The following TTC7B variants were observed in gnomAD, a reference collection of about 807,000 sequenced individuals.
TTC7B encodes tetratricopeptide repeat domain 7B, also known as tetratricopeptide repeat protein 7B.
A neutral mutation model predicts 106.8 loss-of-function variants in TTC7B; 28 were observed. The observed-to-expected ratio is 0.26, with a 90% confidence interval of 0.19 to 0.36. TTC7B has a LOEUF of 0.36. Among genes scored for constraint, TTC7B ranks in the 10% least tolerant of loss-of-function variants. The pLI, the probability that TTC7B is intolerant of heterozygous loss-of-function variation, is 1.00. For synonymous variants in TTC7B, 405 were observed against 430.6 expected, an observed-to-expected ratio of 0.94 and a Z score of 0.74; for missense variants, 862 against 1,076.4, an observed-to-expected ratio of 0.80 and a Z score of 2.79.
At position 90,634,987 on chromosome 14, in the gene TTC7B, C is replaced by T. The variant is rs553065096; in HGVS notation, c.1751+9061G>A. Among the ~76,000 whole-genome samples the T allele has an allele frequency of 9.9e-5, 15 of 152,146 alleles. 1 individual carries two copies. The South Asian group carries it at 2.7e-3, about 27-fold the overall frequency. ...GCAGCCAGAGAGAAAAGACAGAGGA[C>T]GTTAAAATGAACTACAAGTAAACAA... is the stretch of plus-strand genomic sequence containing the variant. On this transcript the variant is annotated intron_variant, in intron 15 of 19. Transcript: ENST00000328459.
chr14:90,671,467 A>G lies in TTC7B; in HGVS notation c.1152+5056T>C, dbSNP rs1350370700. Among the ~76,000 whole-genome samples the G allele has an allele frequency of 2.0e-5, 3 of 152,336 alleles. No homozygotes were observed. In the East Asian group the frequency reaches 5.8e-4, roughly 29 times the overall value. ...AATATCCTGTCGAAATGGAGCCATT[A>G]ATAGTCAAATTCAAGAGACAAACCT... is the stretch of plus-strand genomic sequence containing the variant. On this transcript the variant is annotated intron_variant, in intron 9 of 19. Coordinates refer to ENST00000328459, the MANE Select transcript of TTC7B (RefSeq NM_001010854.2).
chr14:90,777,813 T>C (rs577836963), intron 3 of TTC7B, among the ~76,000 whole-genome samples: 40 of 152,350 alleles, frequency 2.6e-4, no homozygotes, highest in African/African-American at 8.9e-4. Context: ...GCAATTGCCC[T>C]GTTAGTACAA....
At chr14:90,786,141 G>C in intron 2 of TTC7B, 33 bp downstream of exon 2, 1 of 1,511,834 alleles carries the variant, frequency 6.6e-7, no homozygotes, top group Non-Finnish European at 8.8e-7. Context: ...CTGTCCAAAG[G>C]AAGTGTCGCC....
intron 17 of TTC7B, chr14:90,603,231 A>G: frequency 7.8e-7 from 1 of 1,281,812 alleles, no homozygotes; most frequent in Non-Finnish European, 1.0e-6. Flanking sequence ...CGGAAGGATT[A>G]ATAGATTGGT....
At chr14:90,633,869 T>G (rs1289603535) in intron 15 of TTC7B, among the ~76,000 whole-genome samples, 1 of 152,042 alleles carries the variant, frequency 6.6e-6, no homozygotes, top group Non-Finnish European at 1.5e-5. Flanking sequence ...TGTACTTTGT[T>G]AATTTTTTTT....
rs867586350 is a variant in TTC7B, at chr14:90,805,006, G to C, written c.121+11169C>G. ...AGGTCATGGGCATTCCGTCAGCCCC[G>C]CCAGCAAGCCAGGACTCACCCGGAG... is the stretch of plus-strand genomic sequence containing the variant. On this transcript the variant is annotated intron_variant, in intron 1 of 19. Transcript: ENST00000328459. This position sits in a 1 kb window ranked among gnomAD's most constrained non-coding sequence, Gnocchi z 4.0. Among the ~76,000 whole-genome samples, 2 of 152,230 alleles carry C rather than the reference G, an allele frequency of 1.3e-5. No individual in the cohort carries two copies. The highest frequency in any genetic ancestry group is 4.8e-5 in the African/African-American group (2 of 41,542).
intron 19 of TTC7B, among the ~76,000 whole-genome samples, chr14:90,561,037 G>A (rs755814688): frequency 6.6e-6 from 1 of 152,228 alleles, no homozygotes; most frequent in Non-Finnish European, 1.5e-5. Flanking sequence ...CTTCTAGTTT[G>A]TTCTGGGAGA....
chr14:90,688,615 C>G (rs1887340170), intron 7 of TTC7B, among the ~76,000 whole-genome samples: 1 of 100,004 alleles, frequency 1.0e-5, no homozygotes, highest in African/African-American at 4.3e-5. Flanking sequence ...GAGAGAGGCT[C>G]TGTCTCAAAA....
intron 19 of TTC7B, among the ~76,000 whole-genome samples, chr14:90,548,522 T>C (rs1185975513): frequency 2.6e-5 from 4 of 152,254 alleles, no homozygotes; most frequent in Non-Finnish European, 5.9e-5. Flanking sequence ...CAAAGTGCTT[T>C]TGACACCATC....
chr14:90,734,825 C>T (rs555873206), intron 4 of TTC7B, among the ~76,000 whole-genome samples: 132 of 152,096 alleles, frequency 8.7e-4, no homozygotes, highest in Non-Finnish European at 1.6e-3. Context: ...TTTCTGTCGC[C>T]CAGGCTAGAG....
chr14:90,715,121 G>C (rs74081297), intron 5 of TTC7B, among the ~76,000 whole-genome samples: 2,983 of 152,288 alleles, frequency 0.02, 104 homozygotes, highest in African/African-American at 0.065. Flanking sequence ...AAGCTTCCCA[G>C]TAAATAGTTG....
At chr14:90,573,647 T>TGGTCACTCTCTGGCTCAC (rs1891138613) in intron 19 of TTC7B, among the ~76,000 whole-genome samples, 1 of 146,242 alleles carries the variant, frequency 6.8e-6, no homozygotes. Context: ...TTCGGGCTCA[T>TGGTCACTCTCTGGCTCAC]GGTCCCTCTC....
In TTC7B at chr14:90,695,534, GCT is replaced by G; in HGVS notation, c.741_742del (p.Arg247SerfsTer3). The G allele has an allele frequency of 6.3e-7, 1 of 1,598,056 alleles. No individual in the cohort carries two copies. Among genetic ancestry groups the G allele is most frequent in the Non-Finnish European group, 8.5e-7 (1 of 1,173,132 alleles). On this transcript the variant is annotated frameshift_variant, in exon 6 of 20. Transcript: ENST00000328459. LOFTEE classifies it high-confidence loss of function. ...GTTTTGAGTCGTTCTTGTTTCAACT[GCT>G]CTGAGAAGCTCTCTAAATCTTCCGA... is the stretch of plus-strand genomic sequence containing the variant.
intron 5 of TTC7B, among the ~76,000 whole-genome samples, chr14:90,709,809 T>C (rs970111849): frequency 1.4e-4 from 22 of 151,946 alleles, no homozygotes; most frequent in Admixed American, 1.4e-3. Context: ...AAGTCTAGCA[T>C]AATATTAATT....
intron 1 of TTC7B, among the ~76,000 whole-genome samples, chr14:90,800,405 T>C (rs148400149): frequency 4.6e-4 from 70 of 152,198 alleles, no homozygotes; most frequent in African/African-American, 1.6e-3. Flanking sequence ...TGTGGACATG[T>C]TGTTTTACAT....
At chr14:90,718,833 C>G (rs556335669) in intron 5 of TTC7B, among the ~76,000 whole-genome samples, 1 of 73,656 alleles carries the variant, frequency 1.4e-5, no homozygotes, top group East Asian at 2.2e-4. Context: ...TCTGTTCCCA[C>G]GCAAAATTGA....
chr14:90,676,671 A>T lies in TTC7B; in HGVS notation c.1015-11T>A. The T allele has an allele frequency of 6.2e-7, 1 of 1,613,130 alleles. No homozygotes were observed. Among genetic ancestry groups the T allele is most frequent in the Non-Finnish European group, 8.5e-7 (1 of 1,179,572 alleles). On this transcript the variant is annotated splice_polypyrimidine_tract_variant and intron_variant, in intron 8 of 19. Coordinates refer to ENST00000328459, the MANE Select transcript of TTC7B (RefSeq NM_001010854.2). Reference sequence around the variant, plus strand: ...AGCGTCCCGGTTGGCCTGAAAAAACATGGAATAGAGAAGCAGATGGAGAGA... The same window carrying T: ...AGCGTCCCGGTTGGCCTGAAAAAACTTGGAATAGAGAAGCAGATGGAGAGA...
At chr14:90,741,922 CA>C (rs1360636704) in intron 4 of TTC7B, among the ~76,000 whole-genome samples, 1 of 151,928 alleles carries the variant, frequency 6.6e-6, no homozygotes, top group African/African-American at 2.4e-5. Flanking sequence ...ACTGGTTTTC[CA>C]AAAAAGAAAA....
intron 3 of TTC7B, among the ~76,000 whole-genome samples, chr14:90,747,785 G>C (rs1309920640): frequency 6.6e-6 from 1 of 152,018 alleles, no homozygotes; most frequent in Admixed American, 6.6e-5. Flanking sequence ...ATCAGTTTTT[G>C]TTTCATGTAT....
Sources: gnomAD v4.1 joint callset for allele counts (sites outside exome capture counted in the v4.1 genomes callset) on GRCh38, gnomAD v4.1.1 for gene constraint, Gnocchi (gnomAD v3.1) non-coding constraint, MANE v1.5 for transcripts, NCBI Gene and HGNC (gene_info 2026-07-23, HGNC 2026-07-21) for gene names.